Variants in ZNRF2 observed in about 807,000 individuals in gnomAD.
The protein encoded by ZNRF2 is zinc and ring finger 2, also known as E3 ubiquitin-protein ligase ZNRF2.
ZNRF2 carries 16 observed loss-of-function variants against 20.4 expected under a neutral mutation model. The ratio of observed to expected loss-of-function variants is 0.79; its 90% CI spans 0.53 to 1.19. The LOEUF (loss-of-function observed/expected upper bound fraction) is 1.19. Among genes scored for constraint, ZNRF2 ranks in the 50% most tolerant of loss-of-function variants. ZNRF2 has a pLI of 0.00. For missense variants in ZNRF2, 363 were observed against 332.4 expected, an observed-to-expected ratio of 1.09 and a Z score of -0.72; for synonymous variants, 178 against 144.9, an observed-to-expected ratio of 1.23 and a Z score of -1.64.
At chr7:30,329,829 G>GA (rs1799609799) in intron 2 of ZNRF2, among the ~76,000 whole-genome samples, 2 of 152,150 alleles carry the variant, frequency 1.3e-5, no homozygotes, top group East Asian at 3.8e-4. Flanking sequence ...TCCAGTAACA[G>GA]GATTGCTGGA....
rs1467748395 is a variant in ZNRF2 at position 30,285,013 on chromosome 7, G to T, written c.-345G>T. On this transcript the variant is annotated 5_prime_UTR_variant, in exon 1 of 5. Coordinates refer to ENST00000323037, the MANE Select transcript of ZNRF2 (RefSeq NM_147128.4). ...GAGCGCGGCAGCAGAGAGCGGTAGC[G>T]GCCCGTCGTGGCGCACCAGAACCGA... 8 of 396,444 alleles carry T rather than the reference G, an allele frequency of 2.0e-5. No homozygotes were observed. In the Middle Eastern group the frequency reaches 3.5e-3, roughly 171 times the overall value. 24.6% of individuals were successfully genotyped at this position (396,444 alleles called of 1,614,324 possible).
At chr7:30,297,124 T>C (rs1799032389) in intron 1 of ZNRF2, among the ~76,000 whole-genome samples, 1 of 152,240 alleles carries the variant, frequency 6.6e-6, no homozygotes, top group African/African-American at 2.4e-5. Context: ...TTTTAAAAAT[T>C]TGTTAGTTTA....
intron 1 of ZNRF2, among the ~76,000 whole-genome samples, chr7:30,310,483 T>C (rs1319607821): frequency 1.3e-5 from 2 of 152,212 alleles, no homozygotes; most frequent in Non-Finnish European, 2.9e-5. Context: ...TTTTGTAGTT[T>C]GGGTAAGCCA....
At chr7:30,294,331 G>A (rs1798972250) in intron 1 of ZNRF2, among the ~76,000 whole-genome samples, 1 of 152,072 alleles carries the variant, frequency 6.6e-6, no homozygotes, top group South Asian at 2.1e-4. Context: ...TTATCATTGA[G>A]TACACATTTT....
At chr7:30,305,926 CATT>C (rs766265050) in intron 1 of ZNRF2, among the ~76,000 whole-genome samples, 2 of 152,112 alleles carry the variant, frequency 1.3e-5, no homozygotes, top group Non-Finnish European at 2.9e-5. Context: ...ACATTGAAAA[CATT>C]ATTCTGGGTA....
chr7:30,285,009 T>C lies in ZNRF2; in HGVS notation c.-349T>C. On this transcript the variant is annotated 5_prime_UTR_variant, in exon 1 of 5. Coordinates refer to ENST00000323037, the MANE Select transcript of ZNRF2 (RefSeq NM_147128.4). ...CGCCGAGCGCGGCAGCAGAGAGCGGTAGCGGCCCGTCGTGGCGCACCAGAA... is the reference window on the plus strand; with the variant it reads ...CGCCGAGCGCGGCAGCAGAGAGCGGCAGCGGCCCGTCGTGGCGCACCAGAA... 2.5e-6 allele frequency: 1 copy of C among 394,992 alleles called. No homozygotes were observed. Among genetic ancestry groups the C allele is most frequent in the Admixed American group, 3.0e-5 (1 of 33,590 alleles). 24.5% of individuals were successfully genotyped at this position (394,992 alleles called of 1,614,324 possible).
At chr7:30,357,662 A>G (rs913301087) in intron 3 of ZNRF2, among the ~76,000 whole-genome samples, 1 of 152,154 alleles carries the variant, frequency 6.6e-6, no homozygotes. Flanking sequence ...TCAGAACAGG[A>G]TTGTTCTGAA....
At chr7:30,333,723 T>C (rs1799674100) in intron 2 of ZNRF2, among the ~76,000 whole-genome samples, 1 of 152,198 alleles carries the variant, frequency 6.6e-6, no homozygotes, top group African/African-American at 2.4e-5. Flanking sequence ...GGTATCTCAT[T>C]GTGGTTTTGA....
intron 3 of ZNRF2, among the ~76,000 whole-genome samples, chr7:30,361,167 C>A (rs1398563954): frequency 6.6e-6 from 1 of 152,112 alleles, no homozygotes; most frequent in Non-Finnish European, 1.5e-5. Context: ...TTATTTGATG[C>A]TCAGAATTTT....
intron 1 of ZNRF2, among the ~76,000 whole-genome samples, chr7:30,308,264 T>G (rs1799239535): frequency 6.6e-6 from 1 of 152,194 alleles, no homozygotes; most frequent in African/African-American, 2.4e-5. Context: ...AGTTTAAAGT[T>G]TATCATTTTT....
At chr7:30,335,789 T>C (rs559852038) in intron 2 of ZNRF2, among the ~76,000 whole-genome samples, 3 of 152,162 alleles carry the variant, frequency 2.0e-5, no homozygotes, top group Non-Finnish European at 4.4e-5. Flanking sequence ...ATTTATCTTA[T>C]ATTAGTATGC....
At chr7:30,310,638 A>G (rs1799277758) in intron 1 of ZNRF2, among the ~76,000 whole-genome samples, 1 of 152,164 alleles carries the variant, frequency 6.6e-6, no homozygotes, top group Admixed American at 6.5e-5. Flanking sequence ...AAAAATGTAA[A>G]AAGTTCTTGA....
intron 1 of ZNRF2, among the ~76,000 whole-genome samples, chr7:30,295,729 C>T (rs1799009672): frequency 6.6e-6 from 1 of 152,144 alleles, no homozygotes; most frequent in South Asian, 2.1e-4. Context: ...CAAAAACCTG[C>T]TTTTGTAGTA....
At chr7:30,319,124 A>AAT (rs1282559756) in intron 1 of ZNRF2, among the ~76,000 whole-genome samples, 1 of 152,020 alleles carries the variant, frequency 6.6e-6, no homozygotes, top group African/African-American at 2.4e-5. Context: ...AAAAAAAAAA[A>AAT]AATGTCGTTT....
intron 2 of ZNRF2, among the ~76,000 whole-genome samples, chr7:30,324,375 A>T (rs1799519671): frequency 6.6e-6 from 1 of 151,064 alleles, no homozygotes; most frequent in South Asian, 2.1e-4. Context: ...CTCTACTAAA[A>T]GAAAAAAAAA....
intron 2 of ZNRF2, among the ~76,000 whole-genome samples, chr7:30,346,618 G>A (rs1311841907): frequency 1.3e-5 from 2 of 151,730 alleles, no homozygotes; most frequent in Admixed American, 1.3e-4. Flanking sequence ...ATTTTTGAAA[G>A]CCAGAATTTT....
At chr7:30,358,640 A>C (rs1800076445) in intron 3 of ZNRF2, among the ~76,000 whole-genome samples, 1 of 152,232 alleles carries the variant, frequency 6.6e-6, no homozygotes, top group African/African-American at 2.4e-5. Context: ...TGTTGGTGGG[A>C]CTTGTCCTGT....
chr7:30,359,673 A>T (rs1187663585), intron 3 of ZNRF2, among the ~76,000 whole-genome samples: 2 of 152,164 alleles, frequency 1.3e-5, no homozygotes, highest in Non-Finnish European at 2.9e-5. Flanking sequence ...CAGTTCTCAC[A>T]ATTTGTGCAT....
chr7:30,293,964 GA>G (rs1798962672), intron 1 of ZNRF2, among the ~76,000 whole-genome samples: 1 of 141,162 alleles, frequency 7.1e-6, no homozygotes, highest in African/African-American at 2.5e-5. Flanking sequence ...AAAAAAAGAA[GA>G]ATGAAGCCAT....
Sources: allele counts gnomAD v4.1 joint callset (sites outside exome capture counted in the v4.1 genomes callset), GRCh38; gene constraint gnomAD v4.1.1; transcripts MANE v1.5; gene names NCBI Gene and HGNC (gene_info 2026-07-23, HGNC 2026-07-21).